NPAS3: variants seen among roughly 807,000 people sequenced by gnomAD.
NPAS3 encodes the protein neuronal PAS domain-containing protein 3.
In NPAS3, 14 loss-of-function variants were observed where a neutral mutation model predicts 73.1. The observed-to-expected ratio is 0.19, with a 90% CI of 0.13 to 0.30. The LOEUF (loss-of-function observed/expected upper bound fraction) is 0.30. Ranked by LOEUF, NPAS3 falls within the 10% of genes least tolerant of loss-of-function variation. The probability of loss-of-function intolerance (pLI) is 1.00; values close to 1 mark genes in which losing one functional copy is unlikely to be tolerated. For missense variants in NPAS3, 1,096 were observed against 1,250.0 expected, an observed-to-expected ratio of 0.88 and a Z score of 1.86; for synonymous variants, 620 against 541.5, an observed-to-expected ratio of 1.14 and a Z score of -2.01.
At chr14:33,334,200 C>A (rs1034705622) in intron 3 of NPAS3, among the ~76,000 whole-genome samples, 3 of 152,038 alleles carry the variant, frequency 2.0e-5, no homozygotes, top group Non-Finnish European at 4.4e-5. Flanking sequence ...ATTATGACCT[C>A]TTTTTTCACT....
Position 33,258,708 on chromosome 14 carries a change from A to G in NPAS3, c.385+43282A>G, listed in dbSNP as rs570654097. ...ATCTTATGACATGCCTGAGTCCTTC[A>G]TGGGTCATCCTCGTATTTCCTCTTT... On this transcript the variant is annotated intron_variant, in intron 3 of 11. Transcript: ENST00000356141. Among the ~76,000 whole-genome samples, 5 of 152,314 alleles carry G rather than the reference A, an allele frequency of 3.3e-5. 1 individual carries two copies. The South Asian group carries it at 1.0e-3, about 32-fold the overall frequency.
intron 5 of NPAS3, among the ~76,000 whole-genome samples, chr14:33,587,786 T>C (rs1210302963): frequency 6.6e-6 from 1 of 152,180 alleles, no homozygotes; most frequent in Non-Finnish European, 1.5e-5. Context: ...TCTTGACCAA[T>C]TAAAAGAGTT....
chr14:33,793,102 T>C (rs567416685), intron 9 of NPAS3, among the ~76,000 whole-genome samples: 2 of 152,366 alleles, frequency 1.3e-5, no homozygotes, highest in East Asian at 3.9e-4. Flanking sequence ...ATTTTTAACA[T>C]CTGCATTTTA....
intron 3 of NPAS3, among the ~76,000 whole-genome samples, chr14:33,215,764 A>G (rs1392589139): frequency 1.3e-5 from 2 of 152,152 alleles, no homozygotes; most frequent in Non-Finnish European, 2.9e-5. Flanking sequence ...TGGGGTATGG[A>G]CACATTTGTT....
chr14:33,612,077 T>TG (rs893802317), intron 5 of NPAS3, among the ~76,000 whole-genome samples: 1 of 152,088 alleles, frequency 6.6e-6, no homozygotes, highest in African/African-American at 2.4e-5. Context: ...GGTGGGGCCT[T>TG]GGGGTACCTG....
chr14:33,287,701 C>A (rs992836518), intron 3 of NPAS3, among the ~76,000 whole-genome samples: 5 of 152,138 alleles, frequency 3.3e-5, no homozygotes, highest in African/African-American at 1.2e-4. Context: ...ATCTGGTTTC[C>A]TGTCACAGTT....
chr14:33,642,926 T>C (rs1301369731), intron 5 of NPAS3, among the ~76,000 whole-genome samples: 5 of 152,180 alleles, frequency 3.3e-5, no homozygotes, highest in African/African-American at 7.2e-5. Flanking sequence ...CAGAGGTATC[T>C]TGAGTAACTT....
At chr14:33,155,807 C>G (rs778502483) in intron 2 of NPAS3, among the ~76,000 whole-genome samples, 1 of 152,128 alleles carries the variant, frequency 6.6e-6, no homozygotes, top group Admixed American at 6.5e-5. Flanking sequence ...TGTATTGATT[C>G]CCATTTTGGG....
At chr14:33,441,731 G>A (rs1404628627) in intron 4 of NPAS3, among the ~76,000 whole-genome samples, 1 of 152,184 alleles carries the variant, frequency 6.6e-6, no homozygotes, top group Non-Finnish European at 1.5e-5. Context: ...TACATTTAAT[G>A]GATTCACAGT....
chr14:33,325,220 T>C (rs2140251577), intron 3 of NPAS3, among the ~76,000 whole-genome samples: 1 of 152,240 alleles, frequency 6.6e-6, no homozygotes, highest in South Asian at 2.1e-4. Context: ...ATTTATGGGG[T>C]TCATGAGATA....
intron 2 of NPAS3, among the ~76,000 whole-genome samples, chr14:33,209,202 A>G (rs1471737813): frequency 6.6e-6 from 1 of 152,158 alleles, no homozygotes; most frequent in Non-Finnish European, 1.5e-5. Context: ...ATCCTACCAG[A>G]TAATAGTTGT....
At chr14:33,636,122 G>C (rs182275631) in intron 5 of NPAS3, among the ~76,000 whole-genome samples, 3 of 152,134 alleles carry the variant, frequency 2.0e-5, no homozygotes, top group South Asian at 2.1e-4. Context: ...GTTTCTCCAC[G>C]TTAGTCAGGC....
intron 7 of NPAS3, among the ~76,000 whole-genome samples, chr14:33,756,835 A>G (rs1200096138): frequency 6.6e-6 from 1 of 152,248 alleles, no homozygotes; most frequent in African/African-American, 2.4e-5. Flanking sequence ...AGGCAGAGAC[A>G]GCAAGAGAGC....
chr14:33,188,150 G>T (rs1370740864), intron 2 of NPAS3, among the ~76,000 whole-genome samples: 2 of 152,168 alleles, frequency 1.3e-5, no homozygotes, highest in African/African-American at 4.8e-5. Context: ...GAGGATTACT[G>T]AGATAATGCA....
At chr14:33,339,678 A>G (rs60982651) in intron 3 of NPAS3, among the ~76,000 whole-genome samples, 2,206 of 152,316 alleles carry the variant, frequency 0.014, 48 homozygotes, top group African/African-American at 0.05. Flanking sequence ...AGTCCTGTCA[A>G]ATGACATAAA....
intron 2 of NPAS3, among the ~76,000 whole-genome samples, chr14:33,210,480 C>G (rs1482463738): frequency 6.6e-6 from 1 of 152,174 alleles, no homozygotes. Context: ...TTCCCCACTT[C>G]TGGGCACCAC....
At chr14:33,494,913 T>C (rs572389876) in intron 4 of NPAS3, among the ~76,000 whole-genome samples, 27 of 152,216 alleles carry the variant, frequency 1.8e-4, no homozygotes, top group Admixed American at 1.4e-3. Context: ...CAGCAATCAC[T>C]GAGCCATGCA....
chr14:33,545,847 T>C (rs1233202809), intron 4 of NPAS3, among the ~76,000 whole-genome samples: 1 of 152,206 alleles, frequency 6.6e-6, no homozygotes, highest in African/African-American at 2.4e-5. Context: ...CTGTGAGCCA[T>C]AAGATATGGC....
intron 3 of NPAS3, among the ~76,000 whole-genome samples, chr14:33,333,838 T>A (rs1025934979): frequency 1.3e-5 from 2 of 152,184 alleles, no homozygotes; most frequent in African/African-American, 4.8e-5. Context: ...TCCATTTTAT[T>A]GAAGCAATTT....
Sources: allele counts gnomAD v4.1 joint callset (sites outside exome capture counted in the v4.1 genomes callset), GRCh38; gene constraint gnomAD v4.1.1; transcripts MANE v1.5; gene names NCBI Gene and HGNC (gene_info 2026-07-23, HGNC 2026-07-21).